TTC6: variants seen among roughly 807,000 people sequenced by gnomAD.
The protein encoded by TTC6 is tetratricopeptide repeat protein 6.
TTC6 carries 172 observed loss-of-function variants against 210.4 expected under a neutral mutation model. The ratio of observed to expected loss-of-function variants is 0.82; its 90% CI spans 0.72 to 0.93. The LOEUF (loss-of-function observed/expected upper bound fraction) is 0.93. Ranked by LOEUF, TTC6 falls within the 40% of genes least tolerant of loss-of-function variation. TTC6 has a pLI of 0.00. For missense variants in TTC6, 2,414 were observed against 2,318.1 expected (o/e 1.04, Z -0.85); for synonymous variants, 804 against 819.6 (o/e 0.98, Z 0.32).
chr14:37,657,854 A>AT (rs948204045), intron 1 of TTC6, among the ~76,000 whole-genome samples: 5 of 151,954 alleles, frequency 3.3e-5, no homozygotes, highest in Admixed American at 1.3e-4. Flanking sequence ...AGAGAGTTTG[A>AT]TTTTTTTTGT....
intron 1 of TTC6, among the ~76,000 whole-genome samples, chr14:37,650,192 C>T (rs998309139): frequency 1.3e-5 from 2 of 152,146 alleles, no homozygotes; most frequent in African/African-American, 4.8e-5. Flanking sequence ...TGATCTTTTT[C>T]TTGAGGACGA....
chr14:37,842,250 A>G (rs748850637), exon 31 of TTC6: 2 of 1,608,260 alleles, frequency 1.2e-6, no homozygotes, highest in Non-Finnish European at 1.7e-6. Flanking sequence ...GGCTGACTAT[A>G]ACCAAGCACT....
intron 29 of TTC6, chr14:37,827,700 T>C: frequency 5.4e-6 from 1 of 184,974 alleles, no homozygotes. Flanking sequence ...GACATATGTG[T>C]ACCCCTGCAA....
At chr14:37,809,247 A>AT (rs3062846) in intron 24 of TTC6, among the ~76,000 whole-genome samples, 64 of 102,538 alleles carry the variant, frequency 6.2e-4, no homozygotes, top group East Asian at 4.7e-3. Context: ...CATATGCAGA[A>AT]TTTTTTTTTT....
intron 2 of TTC6, among the ~76,000 whole-genome samples, chr14:37,680,776 G>C (rs2095781734): frequency 6.6e-6 from 1 of 152,104 alleles, no homozygotes; most frequent in Non-Finnish European, 1.5e-5. Context: ...GTATCTCCTT[G>C]TGTATAGAAA....
chr14:37,787,889 C>CTG (rs3062823), intron 15 of TTC6, among the ~76,000 whole-genome samples: 32,204 of 147,034 alleles, frequency 0.22, 3,550 homozygotes, highest in Admixed American at 0.32. Context: ...GTGTGTGTGT[C>CTG]TGTGTGTGTG....
At chr14:37,597,171 A>C (rs915277724) in intron 1 of TTC6, among the ~76,000 whole-genome samples, 2 of 152,154 alleles carry the variant, frequency 1.3e-5, no homozygotes, top group East Asian at 3.9e-4. Context: ...GTGTAAATGT[A>C]TCTGCGAATT....
At chr14:37,693,941 T>C (rs1324316059) in intron 3 of TTC6, among the ~76,000 whole-genome samples, 1 of 151,586 alleles carries the variant, frequency 6.6e-6, no homozygotes, top group Non-Finnish European at 1.5e-5. Context: ...ATTGATTAAA[T>C]AATTAAATCT....
chr14:37,741,851 T>C (rs962844000), intron 10 of TTC6, among the ~76,000 whole-genome samples: 2 of 152,158 alleles, frequency 1.3e-5, no homozygotes, highest in African/African-American at 4.8e-5. Context: ...AGCTAGGTCA[T>C]GGTAGGTTGC....
chr14:37,622,141 G>C, exon 1 of TTC6: 1 of 1,535,384 alleles, frequency 6.5e-7, no homozygotes, highest in Non-Finnish European at 8.7e-7. Flanking sequence ...GAGAAAGTTC[G>C]GCAGGAAACT....
At chr14:37,706,483 G>A (rs996693810) in intron 5 of TTC6, among the ~76,000 whole-genome samples, 4 of 152,050 alleles carry the variant, frequency 2.6e-5, no homozygotes, top group Non-Finnish European at 1.5e-5. Flanking sequence ...CTATCAATTG[G>A]TAAGAGAAAT....
intron 1 of TTC6, among the ~76,000 whole-genome samples, chr14:37,665,370 C>T (rs903155907): frequency 6.6e-6 from 1 of 150,580 alleles, no homozygotes; most frequent in Admixed American, 6.6e-5. Flanking sequence ...AGTTGAAAGC[C>T]TTTATCCTCA....
intron 3 of TTC6, among the ~76,000 whole-genome samples, chr14:37,688,787 A>G (rs1244254240): frequency 6.6e-6 from 1 of 152,190 alleles, no homozygotes; most frequent in Non-Finnish European, 1.5e-5. Flanking sequence ...GATACAGCTG[A>G]GATCACAACA....
chr14:37,768,614 G>A (rs1214888806), intron 14 of TTC6, among the ~76,000 whole-genome samples: 2 of 151,354 alleles, frequency 1.3e-5, no homozygotes, highest in Admixed American at 6.6e-5. Context: ...TCTGTTGTTG[G>A]TGTATAAGAA....
intron 4 of TTC6, among the ~76,000 whole-genome samples, chr14:37,701,115 G>A (rs2095824461): frequency 6.6e-6 from 1 of 152,110 alleles, no homozygotes; most frequent in African/African-American, 2.4e-5. Context: ...TGTAGGTTGA[G>A]CTATTCAGCA....
chr14:37,673,690 T>G (rs762930163), intron 1 of TTC6, among the ~76,000 whole-genome samples: 3 of 152,140 alleles, frequency 2.0e-5, no homozygotes, highest in African/African-American at 7.2e-5. Context: ...TTGTTTTGAA[T>G]ACTAAACAGC....
intron 14 of TTC6, among the ~76,000 whole-genome samples, chr14:37,781,392 T>C (rs993258678): frequency 6.6e-6 from 1 of 152,222 alleles, no homozygotes; most frequent in African/African-American, 2.4e-5. Flanking sequence ...ATGATGAGCA[T>C]TTTTTCATAT....
intron 14 of TTC6, among the ~76,000 whole-genome samples, chr14:37,757,230 C>G (rs2095970751): frequency 6.6e-6 from 1 of 151,668 alleles, no homozygotes; most frequent in South Asian, 2.1e-4. Flanking sequence ...TTTGATTCTT[C>G]TCTTTTCTTC....
At chr14:37,695,279 G>T (rs1430752982) in intron 3 of TTC6, among the ~76,000 whole-genome samples, 4 of 151,928 alleles carry the variant, frequency 2.6e-5, no homozygotes, top group Non-Finnish European at 4.4e-5. Context: ...GGTGGTTAAT[G>T]GGTACAAAAG....
Sources: allele counts gnomAD v4.1 joint callset (sites outside exome capture counted in the v4.1 genomes callset), GRCh38; gene constraint gnomAD v4.1.1; transcripts MANE v1.5; gene names NCBI Gene and HGNC (gene_info 2026-07-23, HGNC 2026-07-21).